The following ARB2A variants were observed in gnomAD, a reference collection of about 807,000 sequenced individuals.
ARB2A encodes the protein cotranscriptional regulator ARB2A.
the ARB2A span, among the ~76,000 whole-genome samples, chr5:93,713,287 T>C: frequency 6.6e-6 from 1 of 151,860 alleles, no homozygotes; most frequent in Non-Finnish European, 1.5e-5. Context: ...GGAGAAAATA[T>C]CTGCAAACTG....
the ARB2A span, among the ~76,000 whole-genome samples, chr5:93,777,451 T>C: frequency 6.6e-6 from 1 of 152,186 alleles, no homozygotes; most frequent in Non-Finnish European, 1.5e-5. Flanking sequence ...ATAATCTATA[T>C]TCCTTTTATA....
At chr5:93,826,702 G>A in the ARB2A span, among the ~76,000 whole-genome samples, 2 of 151,056 alleles carry the variant, frequency 1.3e-5, no homozygotes, top group Non-Finnish European at 2.9e-5. Context: ...TCATTAACTC[G>A]TCATTTAACA....
the ARB2A span, among the ~76,000 whole-genome samples, chr5:93,754,615 C>A: frequency 6.6e-6 from 1 of 152,298 alleles, no homozygotes; most frequent in African/African-American, 2.4e-5. Context: ...TCAGAAGATA[C>A]CAGTGCTCTA....
At chr5:94,035,922 G>A in the ARB2A span, among the ~76,000 whole-genome samples, 2 of 152,048 alleles carry the variant, frequency 1.3e-5, no homozygotes, top group African/African-American at 4.8e-5. Context: ...ACAGGTTGAT[G>A]AGTGCAGCAA....
chr5:93,665,277 T>G, the ARB2A span, among the ~76,000 whole-genome samples: 1 of 152,248 alleles, frequency 6.6e-6, no homozygotes, highest in South Asian at 2.1e-4. Context: ...ATAATGAGTC[T>G]GTGTTAAATG....
chr5:94,001,892 T>C, the ARB2A span, among the ~76,000 whole-genome samples: 7 of 152,208 alleles, frequency 4.6e-5, no homozygotes, highest in East Asian at 1.9e-4. Flanking sequence ...ATGATGTACA[T>C]GGTAAAAGGA....
At chr5:93,850,326 T>G in the ARB2A span, among the ~76,000 whole-genome samples, 2 of 152,176 alleles carry the variant, frequency 1.3e-5, no homozygotes, top group African/African-American at 4.8e-5. Flanking sequence ...TATCAATAAT[T>G]TGGATCTAAG....
the ARB2A span, among the ~76,000 whole-genome samples, chr5:93,779,120 T>TGCGC: frequency 2.0e-5 from 3 of 147,876 alleles, no homozygotes; most frequent in Non-Finnish European, 4.5e-5. Flanking sequence ...TGTGTGTGTG[T>TGCGC]GTGTGCGCGC....
chr5:94,077,423 G>A, the ARB2A span, among the ~76,000 whole-genome samples: 1 of 151,930 alleles, frequency 6.6e-6, no homozygotes, highest in Non-Finnish European at 1.5e-5. Context: ...CTTTACAGTA[G>A]CAGTTGCAAA....
At chr5:93,957,954 A>G in the ARB2A span, among the ~76,000 whole-genome samples, 25 of 151,994 alleles carry the variant, frequency 1.6e-4, no homozygotes, top group East Asian at 5.8e-4. Flanking sequence ...CTGATACAAG[A>G]TATCAGTTTA....
chr5:94,045,344 C>T, the ARB2A span, among the ~76,000 whole-genome samples: 1 of 151,864 alleles, frequency 6.6e-6, no homozygotes, highest in Non-Finnish European at 1.5e-5. Flanking sequence ...ATGAACTCAC[C>T]CTGAATTCTT....
At chr5:93,652,287 T>C in the ARB2A span, among the ~76,000 whole-genome samples, 1 of 152,340 alleles carries the variant, frequency 6.6e-6, no homozygotes, top group Non-Finnish European at 1.5e-5. Context: ...CTTTCCATCA[T>C]TGGCCTCCCT....
At chr5:94,019,842 G>A in the ARB2A span, among the ~76,000 whole-genome samples, 1 of 152,070 alleles carries the variant, frequency 6.6e-6, no homozygotes. Flanking sequence ...ACCCCTCCAG[G>A]CATCTGGTGT....
chr5:94,044,042 A>G, the ARB2A span, among the ~76,000 whole-genome samples: 3 of 152,286 alleles, frequency 2.0e-5, no homozygotes, highest in Non-Finnish European at 2.9e-5. Flanking sequence ...TGCTTCTGCA[A>G]TTTTGGCTAA....
the ARB2A span, among the ~76,000 whole-genome samples, chr5:93,717,344 T>C: frequency 1.3e-5 from 2 of 152,220 alleles, no homozygotes. Context: ...GCGGTGCCAC[T>C]TCTGCCTTCT....
At chr5:93,679,199 G>A in the ARB2A span, among the ~76,000 whole-genome samples, 1 of 151,650 alleles carries the variant, frequency 6.6e-6, no homozygotes, top group African/African-American at 2.4e-5. Context: ...GTGTTCTTGG[G>A]ACTGAATGCT....
chr5:94,025,063 G>C, the ARB2A span, among the ~76,000 whole-genome samples: 2 of 152,164 alleles, frequency 1.3e-5, no homozygotes, highest in Non-Finnish European at 2.9e-5. Flanking sequence ...GACCAAAGAT[G>C]CAACTTTAAA....
the ARB2A span, chr5:93,805,608 A>G: frequency 1.0e-6 from 1 of 985,048 alleles, no homozygotes; most frequent in African/African-American, 1.7e-5. Context: ...TTTCTCACCA[A>G]CTACTGAATT....
chr5:93,784,191 C>T, the ARB2A span: 1 of 501,664 alleles, frequency 2.0e-6, no homozygotes, highest in East Asian at 3.3e-5. Flanking sequence ...GGGAGGGGAG[C>T]TTTCAAAAAT....
Sources: allele counts gnomAD v4.1 joint callset (sites outside exome capture counted in the v4.1 genomes callset), GRCh38; gene constraint gnomAD v4.1.1; transcripts MANE v1.5; gene names NCBI Gene and HGNC (gene_info 2026-07-23, HGNC 2026-07-21).